The following FRMD5 variants were observed in gnomAD, a reference collection of about 807,000 sequenced individuals.
The protein encoded by FRMD5 is FERM domain-containing protein 5.
A neutral mutation model predicts 69.0 loss-of-function variants in FRMD5; 20 were observed. That is an observed-to-expected ratio of 0.29 (90% CI 0.20 to 0.42). The LOEUF is 0.42. Among genes scored for constraint, FRMD5 ranks in the 10% least tolerant of loss-of-function variants. The pLI is 1.00. For synonymous variants in FRMD5, 271 were observed against 260.1 expected (o/e 1.04, Z -0.40); for missense variants, 595 against 708.6 (o/e 0.84, Z 1.82).
chr15:44,036,205 C>T (rs997710146), intron 1 of FRMD5, among the ~76,000 whole-genome samples: 2 of 152,178 alleles, frequency 1.3e-5, no homozygotes, highest in Non-Finnish European at 2.9e-5. Flanking sequence ...AACCCTTAAG[C>T]TAGTGTCAGA....
At chr15:43,975,689 A>T (rs1486769897) in intron 1 of FRMD5, among the ~76,000 whole-genome samples, 1 of 152,240 alleles carries the variant, frequency 6.6e-6, no homozygotes, top group African/African-American at 2.4e-5. Context: ...TAACATGTCC[A>T]TTCTCCCCAA....
intron 1 of FRMD5, among the ~76,000 whole-genome samples, chr15:44,182,790 G>A (rs2078028540): frequency 6.6e-6 from 1 of 151,512 alleles, no homozygotes; most frequent in East Asian, 2.0e-4. Flanking sequence ...AGACATGTGA[G>A]AAAATATTCA....
At chr15:44,046,032 C>G (rs1892412516) in intron 1 of FRMD5, among the ~76,000 whole-genome samples, 2 of 152,034 alleles carry the variant, frequency 1.3e-5, no homozygotes, top group South Asian at 4.2e-4. Flanking sequence ...TAAACAGTAC[C>G]TTAGAAATCA....
At chr15:44,099,248 A>C (rs1219100711) in intron 1 of FRMD5, among the ~76,000 whole-genome samples, 3 of 152,212 alleles carry the variant, frequency 2.0e-5, no homozygotes, top group Admixed American at 6.5e-5. Context: ...CTCAAACTTT[A>C]ACATGCATGC....
chr15:44,044,470 T>G (rs1156261213), intron 1 of FRMD5, among the ~76,000 whole-genome samples: 6 of 152,088 alleles, frequency 3.9e-5, no homozygotes, highest in African/African-American at 1.4e-4. Flanking sequence ...CACATGTATG[T>G]TTATTGAGGC....
chr15:44,124,298 T>C (rs1050428664), intron 1 of FRMD5, among the ~76,000 whole-genome samples: 1 of 152,012 alleles, frequency 6.6e-6, no homozygotes, highest in Non-Finnish European at 1.5e-5. Context: ...CATATCTTTT[T>C]ACCCAATAAT....
chr15:44,093,322 T>C (rs937954284), intron 1 of FRMD5, among the ~76,000 whole-genome samples: 2 of 151,700 alleles, frequency 1.3e-5, no homozygotes, highest in African/African-American at 4.8e-5. Context: ...TTTTCTAAAC[T>C]CTCTTCCATT....
At chr15:43,963,114 C>G (rs1267548336) in intron 1 of FRMD5, among the ~76,000 whole-genome samples, 1 of 152,166 alleles carries the variant, frequency 6.6e-6, no homozygotes, top group East Asian at 1.9e-4. Flanking sequence ...TCAGAGTGAA[C>G]AGGCAACCTA....
rs1049885826 is a variant in FRMD5 at position 43,930,354 on chromosome 15, C to A, written c.103-6045G>T. Among the ~76,000 whole-genome samples the A allele has an allele frequency of 2.0e-5, 3 of 152,226 alleles. No homozygotes were observed. The South Asian group carries it at 6.2e-4, about 32-fold the overall frequency. ...AATACTCTCTTGAGTAGCAGGTCAC[C>A]ACAAATGTGGCAGGGCCATAGCTCA... On this transcript the variant is annotated intron_variant, in intron 1 of 13. Coordinates refer to ENST00000417257, the MANE Select transcript of FRMD5 (RefSeq NM_032892.5).
At chr15:44,080,065 A>T (rs1893933448) in intron 1 of FRMD5, among the ~76,000 whole-genome samples, 2 of 152,144 alleles carry the variant, frequency 1.3e-5, no homozygotes, top group African/African-American at 4.8e-5. Flanking sequence ...TGTTAATGCC[A>T]CTGTACTTTA....
chr15:44,196,232 C>T (rs2078294437), upstream of FRMD5, among the ~76,000 whole-genome samples: 1 of 152,070 alleles, frequency 6.6e-6, no homozygotes, highest in South Asian at 2.1e-4. Context: ...GAGGCCGAGG[C>T]GGGCGGATCA....
chr15:43,889,945 C>T (rs1038529080), intron 8 of FRMD5, among the ~76,000 whole-genome samples: 2 of 152,202 alleles, frequency 1.3e-5, no homozygotes, highest in African/African-American at 4.8e-5. Flanking sequence ...AGAAAGGTAG[C>T]GAGAATCATG....
At chr15:44,045,215 C>A (rs1041453730) in intron 1 of FRMD5, among the ~76,000 whole-genome samples, 1 of 152,188 alleles carries the variant, frequency 6.6e-6, no homozygotes, top group African/African-American at 2.4e-5. Context: ...TCAATTAGGT[C>A]AATTTCAGTC....
At chr15:44,057,298 G>T (rs1892912263) in intron 1 of FRMD5, among the ~76,000 whole-genome samples, 1 of 151,534 alleles carries the variant, frequency 6.6e-6, no homozygotes, top group South Asian at 2.1e-4. Context: ...TAGAGACGGG[G>T]TTTCACCAAG....
chr15:44,086,799 TA>T (rs896489329), intron 1 of FRMD5, among the ~76,000 whole-genome samples: 3 of 152,158 alleles, frequency 2.0e-5, no homozygotes, highest in East Asian at 1.9e-4. Context: ...GTAGGACTGA[TA>T]GGGGTGAGGG....
intron 1 of FRMD5, among the ~76,000 whole-genome samples, chr15:44,034,005 T>C (rs1271444559): frequency 1.3e-5 from 2 of 152,152 alleles, no homozygotes; most frequent in African/African-American, 4.8e-5. Context: ...GAAAACACAA[T>C]AGGCCACAGA....
intron 1 of FRMD5, among the ~76,000 whole-genome samples, chr15:43,943,368 T>A (rs1016312117): frequency 4.6e-5 from 7 of 152,178 alleles, no homozygotes; most frequent in African/African-American, 1.7e-4. Flanking sequence ...GCGAGAGCCA[T>A]TGCTCCTGGC....
chr15:43,954,796 T>C (rs2090088920), intron 1 of FRMD5, among the ~76,000 whole-genome samples: 2 of 152,204 alleles, frequency 1.3e-5, no homozygotes, highest in African/African-American at 4.8e-5. Flanking sequence ...AGATGAAATC[T>C]ACCTTACATG....
intron 1 of FRMD5, among the ~76,000 whole-genome samples, chr15:43,980,585 T>TGACA (rs1011022944): frequency 6.6e-6 from 1 of 152,208 alleles, no homozygotes; most frequent in African/African-American, 2.4e-5. Context: ...TTTCTACTCT[T>TGACA]GACACCATTC....
Sources: gnomAD v4.1 joint callset for allele counts (sites outside exome capture counted in the v4.1 genomes callset) on GRCh38, gnomAD v4.1.1 for gene constraint, MANE v1.5 for transcripts, NCBI Gene and HGNC (gene_info 2026-07-23, HGNC 2026-07-21) for gene names.